The following IRS1 variants were observed in gnomAD, a reference collection of about 807,000 sequenced individuals.
The protein encoded by IRS1 is insulin receptor substrate 1.
Under a neutral mutation model 65.6 loss-of-function variants are expected in IRS1, and 34 were observed. That is an observed-to-expected ratio of 0.52 (90% CI 0.39 to 0.69). The LOEUF is 0.69. Among genes scored for constraint, IRS1 ranks in the 30% least tolerant of loss-of-function variants. The pLI is 0.00. For missense variants in IRS1, 1,641 were observed against 1,720.2 expected, an observed-to-expected ratio of 0.95 and a Z score of 0.81; for synonymous variants, 699 against 683.5, an observed-to-expected ratio of 1.02 and a Z score of -0.35.
rs1939766938 is a variant in IRS1, at chr2:226,797,620, G to A, written c.1119C>T (p.Arg373=). 6.3e-7 allele frequency: 1 copy of A among 1,589,546 alleles called. No individual in the cohort carries two copies. The highest frequency in any genetic ancestry group is 8.5e-7 in the Non-Finnish European group (1 of 1,172,948). Residue 373 remains arginine, a synonymous_variant, in exon 1 of 2, where the codon CGC becomes CGT. Coordinates refer to ENST00000305123, the MANE Select transcript of IRS1 (RefSeq NM_005544.3). This position sits in a 1 kb window ranked among gnomAD's most constrained non-coding sequence, Gnocchi z 8.1. ...ARLHPPLNHS[R]SIPMPASRCS... ...AGCGGGAAGCCGGCATGGGGATGGA[G>A]CGGCTGTGGTTGAGCGGGGGGTGCA...
chr2:226,748,854 A>T (rs1043022657), intron 1 of IRS1, among the ~76,000 whole-genome samples: 2 of 152,182 alleles, frequency 1.3e-5, no homozygotes, highest in Non-Finnish European at 2.9e-5. Flanking sequence ...AGATTCTAAA[A>T]ATTAGACAAT....
Position 226,796,947 on chromosome 2 carries a change from G to GCC in IRS1, c.1790_1791dup (p.His598GlyfsTer39). 2 of 1,556,532 alleles carry GCC rather than the reference G, an allele frequency of 1.3e-6. No homozygotes were observed. On this transcript the variant is annotated frameshift_variant, in exon 1 of 2. Transcript: ENST00000305123. LOFTEE classifies it high-confidence loss of function. ...AGGGTGGAGCTGTCTGGGCGGTGGT[G>GCC]CCCCCCCCGACGCTCCAAGGGGTGC...
At chr2:226,741,290 A>G (rs1049952713) in intron 1 of IRS1, among the ~76,000 whole-genome samples, 2 of 152,216 alleles carry the variant, frequency 1.3e-5, no homozygotes, top group African/African-American at 2.4e-5. Flanking sequence ...AACTTTTTAA[A>G]GCATCCTGGT....
chr2:226,772,428 T>G (rs1473832834), intron 1 of IRS1, among the ~76,000 whole-genome samples: 1 of 152,208 alleles, frequency 6.6e-6, no homozygotes, highest in Non-Finnish European at 1.5e-5. Context: ...TCTCCTCTTT[T>G]CTTGTCCATG....
chr2:226,741,829 A>ACACAAC (rs1553528301), intron 1 of IRS1, among the ~76,000 whole-genome samples: 2 of 122,612 alleles, frequency 1.6e-5, no homozygotes, highest in African/African-American at 6.2e-5. Context: ...ACACACACAT[A>ACACAAC]ACACACACAC....
At chr2:226,774,744 T>C (rs1465012947) in intron 1 of IRS1, among the ~76,000 whole-genome samples, 3 of 152,064 alleles carry the variant, frequency 2.0e-5, no homozygotes, top group East Asian at 3.8e-4. Flanking sequence ...CATACAAGAG[T>C]ATTAACCAGC....
intron 1 of IRS1, among the ~76,000 whole-genome samples, chr2:226,780,158 C>T (rs1050194365): frequency 2.6e-5 from 4 of 152,064 alleles, no homozygotes; most frequent in East Asian, 1.9e-4. Context: ...TTTGGGAGGC[C>T]GAGGCGGGCG....
intron 1 of IRS1, among the ~76,000 whole-genome samples, chr2:226,785,770 T>C (rs1191610147): frequency 1.3e-5 from 2 of 151,996 alleles, no homozygotes; most frequent in Non-Finnish European, 2.9e-5. Context: ...TACTTTAAGT[T>C]TTAGGGTACA....
In IRS1 at chr2:226,767,356, G is replaced by A. The variant is rs115228450; in HGVS notation, c.*21+27633C>T. 6.7e-3 allele frequency among the ~76,000 whole-genome samples: 1,017 copies of A among 152,304 alleles called. 12 individuals are homozygous for A. Among genetic ancestry groups the A allele is most frequent in the African/African-American group, 0.023 (973 of 41,560 alleles). On this transcript the variant is annotated intron_variant, in intron 1 of 1. Transcript: ENST00000305123. ...AAGGGCCAATGAGAGAATGGGTCAC[G>A]TCAGGTGACATGGTTTCCAAAATAA... is the stretch of plus-strand genomic sequence containing the variant.
intron 1 of IRS1, among the ~76,000 whole-genome samples, chr2:226,749,629 C>T (rs1938632603): frequency 1.3e-5 from 2 of 152,184 alleles, no homozygotes; most frequent in South Asian, 2.1e-4. Context: ...TGCCTTCAAC[C>T]ATTTAGTGGT....
chr2:226,739,482 C>G (rs1459908007), intron 1 of IRS1, among the ~76,000 whole-genome samples: 4 of 152,172 alleles, frequency 2.6e-5, no homozygotes, highest in African/African-American at 9.7e-5. Flanking sequence ...AGTCTTAGCC[C>G]TCTGAGGACA....
Position 226,795,655 on chromosome 2 carries a change from C to A in IRS1, c.3084G>T (p.Arg1028Ser). Residue 1028 changes from arginine to serine, a missense_variant, in exon 1 of 2, where the codon AGG becomes AGT. Transcript: ENST00000305123. ...GIAAEEVSLP[R>S]ATMAAASSSS... Reference sequence around the variant, plus strand: ...ATGAGGAGGCAGCAGCCATGGTGGCCCTGGGCAGGCTCACCTCCTCTGCAG... The same window carrying A: ...ATGAGGAGGCAGCAGCCATGGTGGCACTGGGCAGGCTCACCTCCTCTGCAG... 4 of 1,613,008 alleles carry A rather than the reference C, an allele frequency of 2.5e-6. No individual in the cohort carries two copies. The highest frequency in any genetic ancestry group is 3.4e-6 in the Non-Finnish European group (4 of 1,179,948).
intron 1 of IRS1, among the ~76,000 whole-genome samples, chr2:226,743,067 C>T (rs910469937): frequency 6.6e-6 from 1 of 152,070 alleles, no homozygotes; most frequent in African/African-American, 2.4e-5. Flanking sequence ...CAGCTCCTCC[C>T]CTCAATTGCA....
At chr2:226,746,911 T>C (rs986453536) in intron 1 of IRS1, among the ~76,000 whole-genome samples, 4 of 149,342 alleles carry the variant, frequency 2.7e-5, no homozygotes, top group African/African-American at 9.8e-5. Context: ...TGCCTCAGCC[T>C]CCCAAGTAGC....
At chr2:226,761,725 T>C (rs575170299) in intron 1 of IRS1, among the ~76,000 whole-genome samples, 13 of 152,246 alleles carry the variant, frequency 8.5e-5, no homozygotes, top group African/African-American at 2.9e-4. Flanking sequence ...TCAATAAACC[T>C]GAAATTCCCC....
chr2:226,751,274 A>AT (rs35699614), intron 1 of IRS1, among the ~76,000 whole-genome samples: 14,828 of 77,360 alleles, frequency 0.19, 3,461 homozygotes, highest in Non-Finnish European at 0.22. Context: ...CCACACGGGT[A>AT]TTTTTTTTTT....
In IRS1 at chr2:226,796,297, G is replaced by T; in HGVS notation, c.2442C>A (p.Asp814Glu). 1 of 1,613,532 alleles carries T rather than the reference G, an allele frequency of 6.2e-7. No individual in the cohort carries two copies. Among genetic ancestry groups the T allele is most frequent in the South Asian group, 1.1e-5 (1 of 91,088 alleles). ...CCCCGCAGTATCCCCCACCCAGGCT[G>T]TCGCTGCTGGTGGAAGAGGAAGAAT... ...ADDSSSSTSS[D>E]SLGGGYCGAR... The change falls in exon 1 of 2, where the codon GAC (aspartate) becomes GAA (glutamate). Residue 814 changes from aspartate to glutamate, a missense_variant. Asp to Glu is a conservative substitution (Grantham distance 45, BLOSUM62 2). This residue lies in a region of IRS1 where 1,324 missense variants were observed against 1,361.0 expected (regional missense o/e 0.97). Transcript: ENST00000305123.
At chr2:226,780,285 G>A (rs559631373) in intron 1 of IRS1, among the ~76,000 whole-genome samples, 2 of 152,106 alleles carry the variant, frequency 1.3e-5, no homozygotes, top group Non-Finnish European at 2.9e-5. Flanking sequence ...CCAGCTACTT[G>A]GGAGGCTGAG....
At chr2:226,773,886 T>C (rs1174215243) in intron 1 of IRS1, among the ~76,000 whole-genome samples, 3 of 152,208 alleles carry the variant, frequency 2.0e-5, no homozygotes, top group African/African-American at 4.8e-5. Context: ...AAAGTACTTG[T>C]TGAGTGTTGA....
Sources: allele counts gnomAD v4.1 joint callset (sites outside exome capture counted in the v4.1 genomes callset), GRCh38; gene constraint gnomAD v4.1.1; regional missense constraint gnomAD v4.1.1; non-coding constraint Gnocchi (gnomAD v3.1); transcripts MANE v1.5; gene names NCBI Gene and HGNC (gene_info 2026-07-23, HGNC 2026-07-21).